Variants in CORO1C observed in about 807,000 individuals in gnomAD.
CORO1C encodes coronin 1C, also known as coronin-1C.
A neutral mutation model predicts 51.2 loss-of-function variants in CORO1C; 14 were observed. The ratio of observed to expected loss-of-function variants is 0.27; its 90% CI spans 0.18 to 0.43. The LOEUF (loss-of-function observed/expected upper bound fraction) is 0.43. Among genes scored for constraint, CORO1C ranks in the 20% least tolerant of loss-of-function variants. The pLI, the probability that CORO1C is intolerant of heterozygous loss-of-function variation, is 1.00. For synonymous variants in CORO1C, 181 were observed against 210.5 expected (o/e 0.86, Z 1.21); for missense variants, 417 against 607.8 (o/e 0.69, Z 3.30).
intron 1 of CORO1C, among the ~76,000 whole-genome samples, chr12:108,726,380 C>T (rs2035592371): frequency 6.6e-6 from 1 of 150,642 alleles, no homozygotes; most frequent in Non-Finnish European, 1.5e-5. Flanking sequence ...GATCGTGCCA[C>T]TGCACTCCAG....
chr12:108,719,741 G>C (rs1289384076), intron 1 of CORO1C, among the ~76,000 whole-genome samples: 1 of 152,178 alleles, frequency 6.6e-6, no homozygotes, highest in African/African-American at 2.4e-5. Flanking sequence ...AACTCAAAAA[G>C]AGAAAGATAG....
In CORO1C at chr12:108,645,683, T is replaced by C. The variant is rs374286308; in HGVS notation, c.*1720A>G. ...CTGGATAAGAACATGGTCCTTTTTCTACACGGACATTACTCCAAGTTCGGC... is the reference window on the plus strand; with the variant it reads ...CTGGATAAGAACATGGTCCTTTTTCCACACGGACATTACTCCAAGTTCGGC... On this transcript the variant is annotated 3_prime_UTR_variant, in exon 11 of 11. Coordinates refer to ENST00000261401, the MANE Select transcript of CORO1C (RefSeq NM_014325.4). 3.3e-5 allele frequency: 5 copies of C among 152,342 alleles called. No homozygotes were observed. In the East Asian group the frequency reaches 9.6e-4, roughly 29 times the overall value. The allele number at this position is 152,342 out of a possible 1,614,324, so 9.4% of individuals were successfully genotyped here.
At chr12:108,659,239 C>A (rs1024889739) in intron 4 of CORO1C, among the ~76,000 whole-genome samples, 1 of 152,208 alleles carries the variant, frequency 6.6e-6, no homozygotes, top group African/African-American at 2.4e-5. Flanking sequence ...CAAAACAGAA[C>A]CCTATTTTCT....
chr12:108,685,883 G>T (rs908630943), intron 2 of CORO1C, among the ~76,000 whole-genome samples: 2 of 152,100 alleles, frequency 1.3e-5, no homozygotes, highest in African/African-American at 4.8e-5. Flanking sequence ...TGGCATGCTG[G>T]ATGTTCACAA....
At chr12:108,695,868 A>C (rs564461027) in intron 2 of CORO1C, among the ~76,000 whole-genome samples, 2 of 151,860 alleles carry the variant, frequency 1.3e-5, no homozygotes, top group East Asian at 1.9e-4. Context: ...AAAAAAAAAA[A>C]AAAAAAACAG....
rs1466155716 is a variant in CORO1C, at chr12:108,658,603, C to A, written c.630+135G>T. The A allele has an allele frequency of 1.3e-6, 1 of 742,304 alleles. No individual in the cohort carries two copies. Among genetic ancestry groups the A allele is most frequent in the South Asian group, 2.5e-5 (1 of 39,958 alleles). 46.0% of individuals were successfully genotyped at this position (742,304 alleles called of 1,614,324 possible). A position where few individuals can be genotyped will look rare whatever the true frequency, so the allele number is the denominator to read the frequency against. The stretch of plus-strand genomic sequence containing the variant: ...CTGGGGAGACAGAAGCCTTTATAAG[C>A]CTTCTCTTATTCACAGTTGGTGTCT... On this transcript the variant is annotated intron_variant, in intron 5 of 10. Transcript: ENST00000261401. The surrounding 1 kb of genome is among the most constrained non-coding windows in gnomAD (Gnocchi z 4.9).
chr12:108,725,825 T>TTTATTTA (rs541689033), intron 1 of CORO1C, among the ~76,000 whole-genome samples: 2 of 151,936 alleles, frequency 1.3e-5, no homozygotes, highest in African/African-American at 4.8e-5. Context: ...TTATTTATTT[T>TTTATTTA]TTTGAGACGG....
At chr12:108,703,426 A>C (rs534810330) in intron 1 of CORO1C, among the ~76,000 whole-genome samples, 4 of 152,336 alleles carry the variant, frequency 2.6e-5, no homozygotes, top group African/African-American at 9.6e-5. Context: ...AGGTAAAAAC[A>C]TGAAAGGACA....
At position 108,678,278 on chromosome 12, in the gene CORO1C, C is replaced by T. The variant is rs143862037; in HGVS notation, c.312G>A (p.Thr104=). 34 of 1,610,700 alleles carry T rather than the reference C, an allele frequency of 2.1e-5. No individual in the cohort carries two copies. Among genetic ancestry groups the T allele is most frequent in the South Asian group, 4.4e-5 (4 of 90,622 alleles). ...CAACACCCTGGGAGCTTACCATGACCGTGCAGTCCTCTGAACCGCTGGCAA... is the reference window on the plus strand; with the variant it reads ...CAACACCCTGGGAGCTTACCATGACTGTGCAGTCCTCTGAACCGCTGGCAA... ...QVIASGSEDC[T]VMVWQIPENG... The change falls in exon 3 of 11, where the codon ACG becomes ACA. Residue 104 remains threonine (T), a synonymous_variant. Transcript: ENST00000261401.
chr12:108,676,001 T>C lies in CORO1C; in HGVS notation c.318+2271A>G, dbSNP rs1211219383. On this transcript the variant is annotated intron_variant, in intron 3 of 10. Coordinates refer to ENST00000261401, the MANE Select transcript of CORO1C (RefSeq NM_014325.4). ...CAGGTCAAAGGTCAGGGCTTCCGAA[T>C]AGATAAATTGTAGGGAAAAGAAAAT... Among the ~76,000 whole-genome samples, 7 of 152,132 alleles carry C rather than the reference T, an allele frequency of 4.6e-5. No individual in the cohort carries two copies. The East Asian group carries it at 1.3e-3, about 29-fold the overall frequency.
At position 108,728,176 on chromosome 12, in the gene CORO1C, C is replaced by A. The variant is rs546711943; in HGVS notation, c.-6+3253G>T. Among the ~76,000 whole-genome samples, 3 of 152,244 alleles carry A rather than the reference C, an allele frequency of 2.0e-5. No individual in the cohort carries two copies. The South Asian group carries it at 6.2e-4, about 32-fold the overall frequency. Reference sequence around the variant, plus strand: ...AATAGTTAAATATAGAGTTACCATACAACCCATCGATTACATTCCTAGGTA... The same window carrying A: ...AATAGTTAAATATAGAGTTACCATAAAACCCATCGATTACATTCCTAGGTA... On this transcript the variant is annotated intron_variant, in intron 1 of 10. Coordinates refer to ENST00000261401, the MANE Select transcript of CORO1C (RefSeq NM_014325.4).
At chr12:108,701,429 T>C (rs1415900356) in intron 1 of CORO1C, 106 bp from the exon 2 acceptor site, 11 of 1,534,488 alleles carry the variant, frequency 7.2e-6, no homozygotes, top group Non-Finnish European at 9.7e-6. Context: ...GTATGGCATT[T>C]TGTCTGCTCT....
At chr12:108,660,222 C>T (rs1019484054) in intron 4 of CORO1C, among the ~76,000 whole-genome samples, 7 of 152,144 alleles carry the variant, frequency 4.6e-5, no homozygotes, top group Non-Finnish European at 8.8e-5. Context: ...GAGGCCGAGG[C>T]GGGCAGATCA....
At chr12:108,702,274 A>G (rs1227175166) in intron 1 of CORO1C, among the ~76,000 whole-genome samples, 1 of 152,118 alleles carries the variant, frequency 6.6e-6, no homozygotes, top group Non-Finnish European at 1.5e-5. Flanking sequence ...TGCAGGGGCT[A>G]TTGTCGGGGG....
At chr12:108,709,281 AT>A (rs1375597893) in intron 1 of CORO1C, among the ~76,000 whole-genome samples, 4 of 152,178 alleles carry the variant, frequency 2.6e-5, no homozygotes, top group Admixed American at 2.6e-4. Flanking sequence ...GGCAATTATT[AT>A]TTAAGAGCCC....
chr12:108,695,851 T>TAAAAAAAAAAAAAA (rs924887183), intron 2 of CORO1C, among the ~76,000 whole-genome samples: 1 of 62,450 alleles, frequency 1.6e-5, no homozygotes, highest in African/African-American at 5.5e-5. Context: ...TTGGGAGAAC[T>TAAAAAAAAAAAAAA]AAAAAAAAAA....
At chr12:108,681,676 C>A (rs1051631260) in intron 2 of CORO1C, among the ~76,000 whole-genome samples, 12 of 152,088 alleles carry the variant, frequency 7.9e-5, no homozygotes, top group Non-Finnish European at 1.6e-4. Context: ...ACAGAATTTA[C>A]CATGGGTAAA....
chr12:108,706,502 T>C (rs765805711), intron 1 of CORO1C, among the ~76,000 whole-genome samples: 4 of 152,178 alleles, frequency 2.6e-5, no homozygotes, highest in Non-Finnish European at 5.9e-5. Context: ...TTCTGTGTGC[T>C]GAAGACATGA....
chr12:108,650,763 G>A (rs956213255), intron 8 of CORO1C, among the ~76,000 whole-genome samples: 1 of 152,218 alleles, frequency 6.6e-6, no homozygotes, highest in African/African-American at 2.4e-5. Context: ...CTGAACAACT[G>A]TGTTTATAGT....
Sources: allele counts gnomAD v4.1 joint callset (sites outside exome capture counted in the v4.1 genomes callset), GRCh38; gene constraint gnomAD v4.1.1; non-coding constraint Gnocchi (gnomAD v3.1); transcripts MANE v1.5; gene names NCBI Gene and HGNC (gene_info 2026-07-23, HGNC 2026-07-21).